Variants in GLI2 observed in about 807,000 individuals in gnomAD.
GLI2 encodes transcription activator GLI2.
Under a neutral mutation model 78.9 loss-of-function variants are expected in GLI2, and 22 were observed. The ratio of observed to expected loss-of-function variants is 0.28; its 90% CI spans 0.20 to 0.40. The LOEUF (loss-of-function observed/expected upper bound fraction) is 0.40, where lower values mean the gene tolerates loss of function less well. Among genes scored for constraint, GLI2 ranks in the 10% least tolerant of loss-of-function variants. The pLI is 1.00. For synonymous variants in GLI2, 974 were observed against 963.7 expected (o/e 1.01, Z -0.20); for missense variants, 2,097 against 2,213.2 (o/e 0.95, Z 1.05).
At chr2:120,939,958 C>T (rs1474048445) in intron 3 of GLI2, among the ~76,000 whole-genome samples, 1 of 152,208 alleles carries the variant, frequency 6.6e-6, no homozygotes, top group East Asian at 1.9e-4. Flanking sequence ...ATGGCCTCTA[C>T]ATTTTAATTT....
chr2:120,784,129 CCTCA>C (rs1331596144), intron 1 of GLI2, among the ~76,000 whole-genome samples: 3 of 152,202 alleles, frequency 2.0e-5, no homozygotes, highest in Admixed American at 1.3e-4. Flanking sequence ...CTCTGATGGC[CCTCA>C]CTCATGGCAT....
At chr2:120,839,340 A>T (rs776539026) in intron 2 of GLI2, among the ~76,000 whole-genome samples, 36 of 152,214 alleles carry the variant, frequency 2.4e-4, no homozygotes, top group Non-Finnish European at 5.1e-4. Flanking sequence ...TTTTTAAAAA[A>T]TTACTAATTC....
intron 1 of GLI2, among the ~76,000 whole-genome samples, chr2:120,763,214 T>C (rs1418188527): frequency 6.6e-6 from 1 of 152,222 alleles, no homozygotes. Flanking sequence ...ATCAGATTGC[T>C]GCTATGCTTT....
chr2:120,976,477 G>T (rs968184935), intron 9 of GLI2, among the ~76,000 whole-genome samples: 1 of 152,192 alleles, frequency 6.6e-6, no homozygotes, highest in Non-Finnish European at 1.5e-5. Context: ...TTTTCAACTT[G>T]TACCACCTCT....
chr2:120,921,554 G>T, intron 2 of GLI2, among the ~76,000 whole-genome samples: 1 of 152,136 alleles, frequency 6.6e-6, no homozygotes, highest in Admixed American at 6.5e-5. Flanking sequence ...GGACCTCATA[G>T]CTCCTCTAAT....
chr2:120,918,751 A>G (rs975373426), intron 2 of GLI2, among the ~76,000 whole-genome samples: 6 of 152,192 alleles, frequency 3.9e-5, no homozygotes, highest in African/African-American at 1.4e-4. Context: ...CACCATAAAT[A>G]TTCTTCACAG....
intron 5 of GLI2, among the ~76,000 whole-genome samples, chr2:120,957,592 A>G (rs769110393): frequency 6.6e-6 from 1 of 152,210 alleles, no homozygotes; most frequent in Non-Finnish European, 1.5e-5. Flanking sequence ...CACCAGGCCA[A>G]TAGGAAAGTG....
At chr2:120,776,182 G>A (rs919769659) in intron 1 of GLI2, among the ~76,000 whole-genome samples, 20 of 152,244 alleles carry the variant, frequency 1.3e-4, no homozygotes, top group African/African-American at 2.9e-4. Flanking sequence ...CTGGGCACTG[G>A]GCCTTGACAC....
At chr2:120,985,552 T>A (rs919326421) in intron 12 of GLI2, among the ~76,000 whole-genome samples, 2 of 152,156 alleles carry the variant, frequency 1.3e-5, no homozygotes, top group Admixed American at 1.3e-4. Context: ...TAAGCCTGTG[T>A]CCTCATGGGA....
At chr2:120,873,613 C>T (rs1192569632) in intron 2 of GLI2, among the ~76,000 whole-genome samples, 1 of 152,216 alleles carries the variant, frequency 6.6e-6, no homozygotes, top group Non-Finnish European at 1.5e-5. Context: ...ACTTTGCAGA[C>T]CCCTTGAGGC....
intron 2 of GLI2, among the ~76,000 whole-genome samples, chr2:120,924,829 A>C (rs1305669790): frequency 2.0e-5 from 3 of 152,208 alleles, no homozygotes; most frequent in African/African-American, 4.8e-5. Context: ...GGCTCCAAAC[A>C]TGAGTGCTAC....
chr2:120,816,540 T>G (rs986401616), intron 2 of GLI2, among the ~76,000 whole-genome samples: 3 of 152,190 alleles, frequency 2.0e-5, no homozygotes, highest in Non-Finnish European at 4.4e-5. Context: ...ATATTTACCT[T>G]GTTTGAAACT....
intron 5 of GLI2, among the ~76,000 whole-genome samples, chr2:120,968,112 C>CA (rs1307232856): frequency 2.0e-5 from 3 of 152,194 alleles, no homozygotes; most frequent in Non-Finnish European, 4.4e-5. Context: ...CTGCCACACA[C>CA]AATAGCATGG....
chr2:120,967,710 G>A lies in GLI2; in HGVS notation c.644-1004G>A, dbSNP rs113962048. On this transcript the variant is annotated intron_variant, in intron 5 of 13. Coordinates refer to ENST00000361492, the MANE Select transcript of GLI2 (RefSeq NM_001374353.1). ...TGCACACAAGTGTTTGCATGCATGG[G>A]TGATGTGTGCACCTGCGTACATGTG... 9.1e-3 allele frequency among the ~76,000 whole-genome samples: 1,390 copies of A among 152,370 alleles called. 11 individuals carry two copies. The highest frequency in any genetic ancestry group is 0.015 in the African/African-American group (610 of 41,572).
chr2:120,912,780 C>T (rs919909753), intron 2 of GLI2, among the ~76,000 whole-genome samples: 1 of 152,200 alleles, frequency 6.6e-6, no homozygotes, highest in African/African-American at 2.4e-5. Flanking sequence ...ACTCCCGTGT[C>T]TGGGAACACT....
At chr2:120,884,290 G>C (rs1487526724) in intron 2 of GLI2, among the ~76,000 whole-genome samples, 1 of 152,234 alleles carries the variant, frequency 6.6e-6, no homozygotes, top group Non-Finnish European at 1.5e-5. Context: ...GCGCGCCCAT[G>C]TGCGGGCCAA....
chr2:120,742,310 A>G (rs1245283088), intron 1 of GLI2, among the ~76,000 whole-genome samples: 1 of 152,218 alleles, frequency 6.6e-6, no homozygotes, highest in Non-Finnish European at 1.5e-5. Context: ...GCCTGATGTT[A>G]AAAGAGCGTC....
At chr2:120,766,850 G>A (rs2104651999) in intron 1 of GLI2, among the ~76,000 whole-genome samples, 1 of 152,256 alleles carries the variant, frequency 6.6e-6, no homozygotes, top group Non-Finnish European at 1.5e-5. Context: ...AAATTCCTGG[G>A]AAAAATTCCA....
rs780303555 is a variant in GLI2 at position 120,988,952 on chromosome 2, C to G, written c.2987C>G (p.Pro996Arg). 1.1e-4 allele frequency: 172 copies of G among 1,537,374 alleles called. No homozygotes were observed. Among genetic ancestry groups the G allele is most frequent in the Non-Finnish European group, 1.4e-4 (158 of 1,146,820 alleles). The change falls in exon 14 of 14, where the codon CCG becomes CGG. Residue 996 changes from proline (P) to arginine (R), a missense_variant. Pro to Arg is a moderately radical substitution (Grantham distance 103). Coordinates refer to ENST00000361492, the MANE Select transcript of GLI2 (RefSeq NM_001374353.1). ...CGAGGCCTCCGCCTGCAGAGCCACC[C>G]GAGCACCGACGGCGGCCTGGCCCGC... ...DRRGLRLQSHPSTDGGLARGA... is the reference protein window; with the variant it reads ...DRRGLRLQSHRSTDGGLARGA...
Sources: gnomAD v4.1 joint callset for allele counts (sites outside exome capture counted in the v4.1 genomes callset) on GRCh38, gnomAD v4.1.1 for gene constraint, MANE v1.5 for transcripts, NCBI Gene and HGNC (gene_info 2026-07-23, HGNC 2026-07-21) for gene names.